Variants in PIGL observed in about 807,000 individuals in gnomAD.
PIGL encodes N-acetylglucosaminyl-phosphatidylinositol de-N-acetylase.
Under a neutral mutation model 31.1 loss-of-function variants are expected in PIGL, and 22 were observed. The ratio of observed to expected loss-of-function variants is 0.71; its 90% confidence interval spans 0.51 to 1.01. The LOEUF (loss-of-function observed/expected upper bound fraction) is 1.01. Ranked by LOEUF, PIGL falls within the 50% of genes least tolerant of loss-of-function variation. The pLI, the probability that PIGL is intolerant of heterozygous loss-of-function variation, is 0.00. For missense variants in PIGL, 302 were observed against 315.9 expected (o/e 0.96, Z 0.33); for synonymous variants, 131 against 117.4 (o/e 1.12, Z -0.75).
At chr17:16,241,605 G>A (rs1246765800) in intron 2 of PIGL, among the ~76,000 whole-genome samples, 2 of 151,908 alleles carry the variant, frequency 1.3e-5, no homozygotes, top group Non-Finnish European at 2.9e-5. Flanking sequence ...GAATGAAATT[G>A]CCCATGGATT....
intron 2 of PIGL, among the ~76,000 whole-genome samples, chr17:16,256,286 T>G (rs959350726): frequency 6.6e-6 from 1 of 152,234 alleles, no homozygotes; most frequent in African/African-American, 2.4e-5. Context: ...CTGTGCATAT[T>G]TAATAACCCA....
rs114094905 is a variant in PIGL at position 16,294,898 on chromosome 17, C to A, written c.336-4990C>A. ...TGCTCCCCTTCCATGGCTCTGCTGT[C>A]CCCTATCTTAGAGGTGGTGGTGCCC... On this transcript the variant is annotated intron_variant, in intron 2 of 6. Coordinates refer to ENST00000225609, the MANE Select transcript of PIGL (RefSeq NM_004278.4). 4.5e-3 allele frequency among the ~76,000 whole-genome samples: 679 copies of A among 152,296 alleles called. 8 individuals are homozygous for A. The highest frequency in any genetic ancestry group is 0.015 in the African/African-American group (635 of 41,564).
At chr17:16,217,923 A>G (rs2092601965) in intron 1 of PIGL, 1 of 152,848 alleles carries the variant, frequency 6.5e-6, no homozygotes, top group Non-Finnish European at 1.5e-5. Context: ...TGCTAGTAAC[A>G]TGCATGTGTC....
intron 2 of PIGL, among the ~76,000 whole-genome samples, chr17:16,274,994 T>C (rs1415633497): frequency 1.4e-5 from 2 of 147,988 alleles, no homozygotes; most frequent in Non-Finnish European, 3.0e-5. Context: ...ATCACACCAC[T>C]GCACCCCAGC....
At chr17:16,220,164 A>G (rs140882936) in intron 1 of PIGL, among the ~76,000 whole-genome samples, 1 of 151,984 alleles carries the variant, frequency 6.6e-6, no homozygotes, top group Non-Finnish European at 1.5e-5. Context: ...CTTGGCCAAC[A>G]TGTTGAAACC....
intron 2 of PIGL, among the ~76,000 whole-genome samples, chr17:16,274,012 C>A (rs1427415291): frequency 2.6e-5 from 4 of 152,172 alleles, no homozygotes; most frequent in African/African-American, 9.6e-5. Flanking sequence ...TGGCCTCCAT[C>A]GATGGCCGTG....
At chr17:16,240,053 G>A (rs77359616) in intron 2 of PIGL, among the ~76,000 whole-genome samples, 7,210 of 152,236 alleles carry the variant, frequency 0.047, 198 homozygotes, top group African/African-American at 0.086. Context: ...TCAGTAGGAG[G>A]TGATTGGATC....
chr17:16,246,053 G>C (rs1228767776), intron 2 of PIGL, among the ~76,000 whole-genome samples: 1 of 150,734 alleles, frequency 6.6e-6, no homozygotes, highest in East Asian at 2.0e-4. Flanking sequence ...TTGATCTACT[G>C]ACCTTGTGAT....
At chr17:16,239,069 C>T (rs951300443) in intron 2 of PIGL, among the ~76,000 whole-genome samples, 1 of 151,502 alleles carries the variant, frequency 6.6e-6, no homozygotes, top group African/African-American at 2.4e-5. Context: ...TGTGGTGGCA[C>T]GCACCCTGTA....
At position 16,253,821 on chromosome 17, in the gene PIGL, T is replaced by G. The variant is rs1021107759; in HGVS notation, c.335+19751T>G. 1.2e-4 allele frequency among the ~76,000 whole-genome samples: 19 copies of G among 152,106 alleles called. No homozygotes were observed. The East Asian group carries it at 3.7e-3, about 29-fold the overall frequency. On this transcript the variant is annotated intron_variant, in intron 2 of 6. Transcript: ENST00000225609. ...ATTAGCCAGGCATGCTGCACACCAG[T>G]AGTTCTAGGAACTTAGGAGGCTGAG...
intron 2 of PIGL, among the ~76,000 whole-genome samples, chr17:16,258,231 G>C (rs1473546080): frequency 6.9e-6 from 1 of 144,060 alleles, no homozygotes; most frequent in African/African-American, 2.5e-5. Context: ...CCAGGCTGGA[G>C]TGCAGTGGCG....
intron 3 of PIGL, among the ~76,000 whole-genome samples, chr17:16,305,396 A>T (rs2093022308): frequency 6.6e-6 from 1 of 152,180 alleles, no homozygotes; most frequent in Admixed American, 6.5e-5. Context: ...CCCCACAGTT[A>T]CCTATTTATT....
chr17:16,233,993 G>C lies in PIGL; in HGVS notation c.258G>C (p.Glu86Asp). 1 of 1,608,008 alleles carries C rather than the reference G, an allele frequency of 6.2e-7. No individual in the cohort carries two copies. Among genetic ancestry groups the C allele is most frequent in the East Asian group, 2.2e-5 (1 of 44,834 alleles). Reference protein sequence around the residue: ...FSAGNYYNQGETRKKELLQSC... With the variant: ...FSAGNYYNQGDTRKKELLQSC... ...CAGGAAATTACTACAATCAAGGAGA[G>C]ACTCGTAAGAAAGAACTTTTGCAGA... Residue 86 changes from glutamate to aspartate, a missense_variant, in exon 2 of 7, where the codon GAG (glutamate) becomes GAC (aspartate). Physicochemically the swap from Glu to Asp is conservative, Grantham distance 45. Transcript: ENST00000225609.
In PIGL at chr17:16,285,006, C is replaced by A. The variant is rs61244787; in HGVS notation, c.336-14882C>A. On this transcript the variant is annotated intron_variant, in intron 2 of 6. Transcript: ENST00000225609. ...CAATTAAAGAATATATCTGTAGAGA[C>A]AGGATCTTACTAATGTTGCCCAGCT... Among the ~76,000 whole-genome samples, 1,010 of 152,248 alleles carry A rather than the reference C, an allele frequency of 6.6e-3. 17 individuals are homozygous for A. Among genetic ancestry groups the A allele is most frequent in the African/African-American group, 0.023 (976 of 41,550 alleles).
chr17:16,319,223 C>CAAAAA (rs11379081), intron 6 of PIGL, among the ~76,000 whole-genome samples: 15 of 82,974 alleles, frequency 1.8e-4, no homozygotes, highest in African/African-American at 2.2e-4. Context: ...AGACCCTAGC[C>CAAAAA]AAAAAAAAAA....
chr17:16,304,141 G>T (rs11654658), intron 3 of PIGL, among the ~76,000 whole-genome samples: 66,919 of 152,126 alleles, frequency 0.44, 15,421 homozygotes, highest in Middle Eastern at 0.54. Context: ...CTAACACCGT[G>T]GCTAGTGTAG....
rs575988264 is a variant in PIGL, at chr17:16,302,976, C to T, written c.426+2998C>T. Among the ~76,000 whole-genome samples the T allele has an allele frequency of 2.2e-4, 33 of 152,282 alleles. No individual in the cohort carries two copies. In the East Asian group the frequency reaches 3.5e-3, roughly 16 times the overall value. On this transcript the variant is annotated intron_variant, in intron 3 of 6. Transcript: ENST00000225609. Reference sequence around the variant, plus strand: ...TGAAGTCCTGAACACTGGTGAACAACGTTGGTCTTTGCCGAGGGGCCAGAT... The same window carrying T: ...TGAAGTCCTGAACACTGGTGAACAATGTTGGTCTTTGCCGAGGGGCCAGAT...
intron 1 of PIGL, 56 bp downstream of exon 1, chr17:16,217,517 C>A: frequency 1.5e-6 from 2 of 1,356,812 alleles, no homozygotes; most frequent in Non-Finnish European, 2.1e-6. Flanking sequence ...GATTTAAGTG[C>A]TAACCGATCT....
At chr17:16,313,733 T>A in intron 4 of PIGL, 119 bp downstream of exon 4, 1 of 819,062 alleles carries the variant, frequency 1.2e-6, no homozygotes, top group African/African-American at 1.7e-5. Flanking sequence ...CACTGCTGGC[T>A]TATCTTCTAG....
Sources: allele counts gnomAD v4.1 joint callset (sites outside exome capture counted in the v4.1 genomes callset), GRCh38; gene constraint gnomAD v4.1.1; transcripts MANE v1.5; gene names NCBI Gene and HGNC (gene_info 2026-07-23, HGNC 2026-07-21).